DRD3: variants seen among roughly 807,000 people sequenced by gnomAD.
DRD3 encodes D(3) dopamine receptor.
A neutral mutation model predicts 36.3 loss-of-function variants in DRD3; 19 were observed. That is an observed-to-expected ratio of 0.52 (90% CI 0.36 to 0.77). The LOEUF is 0.77. Ranked by LOEUF, DRD3 falls within the 30% of genes least tolerant of loss-of-function variation. DRD3 has a pLI of 0.00. For missense variants in DRD3, 465 were observed against 505.3 expected (o/e 0.92, Z 0.77); for synonymous variants, 195 against 203.7 (o/e 0.96, Z 0.36).
chr3:114,149,060 A>G (rs1476197315), intron 3 of DRD3, among the ~76,000 whole-genome samples: 2 of 152,204 alleles, frequency 1.3e-5, no homozygotes, highest in Non-Finnish European at 2.9e-5. Context: ...TTGAGTCCCA[A>G]CTATACGCCA....
At chr3:114,197,287 T>A (rs1377228311) in intron 1 of DRD3, among the ~76,000 whole-genome samples, 2 of 142,934 alleles carry the variant, frequency 1.4e-5, no homozygotes, top group Non-Finnish European at 3.1e-5. Flanking sequence ...ATTTTTTTTT[T>A]TTTTTTTTTT....
At chr3:114,163,272 T>C (rs1270483500) in intron 2 of DRD3, among the ~76,000 whole-genome samples, 2 of 151,638 alleles carry the variant, frequency 1.3e-5, no homozygotes, top group African/African-American at 4.8e-5. Flanking sequence ...GTAATGAATT[T>C]TTTTTTTTCT....
rs200551833 is a variant in DRD3 at position 114,131,353 on chromosome 3, G to A, written c.771C>T (p.Ser257=). Residue 257 remains serine (S), a synonymous_variant, in exon 6 of 7, where the codon AGC becomes AGT. Transcript: ENST00000383673. ...PAHLELKRYY[S]ICQDTALGGP... ...CACCCAAGGCAGTGTCCTGGCAGATGCTGTAGTAACGCTTCAGCTCCAGAT... is the reference window on the plus strand; with the variant it reads ...CACCCAAGGCAGTGTCCTGGCAGATACTGTAGTAACGCTTCAGCTCCAGAT... 1.1e-5 allele frequency: 18 copies of A among 1,614,226 alleles called. No homozygotes were observed. The Admixed American group carries it at 1.2e-4, about 10-fold the overall frequency.
At chr3:114,177,153 C>G (rs544961620) in intron 1 of DRD3, among the ~76,000 whole-genome samples, 1 of 152,242 alleles carries the variant, frequency 6.6e-6, no homozygotes, top group Admixed American at 6.5e-5. Context: ...CATCATCTGA[C>G]TAGGCTTGGT....
At chr3:114,192,721 T>C (rs937456221) in intron 1 of DRD3, among the ~76,000 whole-genome samples, 2 of 152,216 alleles carry the variant, frequency 1.3e-5, no homozygotes, top group African/African-American at 4.8e-5. Context: ...TGTCTACTTA[T>C]TCCAATTGTC....
intron 3 of DRD3, among the ~76,000 whole-genome samples, chr3:114,155,794 A>T (rs2077661534): frequency 6.6e-6 from 1 of 152,094 alleles, no homozygotes; most frequent in South Asian, 2.1e-4. Context: ...ACGAGGGCTG[A>T]GGGGGCTCTC....
At chr3:114,197,163 G>C (rs949394124) in intron 1 of DRD3, among the ~76,000 whole-genome samples, 2 of 149,534 alleles carry the variant, frequency 1.3e-5, no homozygotes, top group Non-Finnish European at 3.0e-5. Context: ...TCCAGGTGGA[G>C]TGCAGTGGCA....
At chr3:114,145,803 A>G (rs538689510) in intron 4 of DRD3, among the ~76,000 whole-genome samples, 1 of 152,338 alleles carries the variant, frequency 6.6e-6, no homozygotes, top group South Asian at 2.1e-4. Context: ...AATATATCAT[A>G]TATTGTAGAG....
At chr3:114,181,253 A>G (rs939086073), upstream of DRD3, among the ~76,000 whole-genome samples, 30 of 152,208 alleles carry the variant, frequency 2.0e-4, no homozygotes, top group African/African-American at 7.2e-4. Flanking sequence ...TGACATGCCT[A>G]AAATCACACA....
intron 4 of DRD3, among the ~76,000 whole-genome samples, chr3:114,141,043 T>C (rs2077519238): frequency 6.6e-6 from 1 of 152,248 alleles, no homozygotes; most frequent in Non-Finnish European, 1.5e-5. Flanking sequence ...AATTTATTTA[T>C]TTTTTGAGAC....
chr3:114,185,683 A>AT (rs1236040736), intron 1 of DRD3, among the ~76,000 whole-genome samples: 21 of 148,898 alleles, frequency 1.4e-4, no homozygotes, highest in African/African-American at 1.2e-4. Flanking sequence ...TTGTAATTTT[A>AT]TTTTTTTTTT....
At chr3:114,146,269 T>C (rs1376222514) in intron 4 of DRD3, among the ~76,000 whole-genome samples, 2 of 152,168 alleles carry the variant, frequency 1.3e-5, no homozygotes, top group Admixed American at 1.3e-4. Flanking sequence ...AAACCTGGAA[T>C]ATAGGCATTG....
intron 2 of DRD3, among the ~76,000 whole-genome samples, chr3:114,169,477 G>A (rs2077818640): frequency 6.6e-6 from 1 of 151,620 alleles, no homozygotes; most frequent in African/African-American, 2.4e-5. Flanking sequence ...TGCTCTTATT[G>A]CTTCTCAGCC....
At chr3:114,138,182 A>G (rs1297591795) in intron 5 of DRD3, among the ~76,000 whole-genome samples, 1 of 151,082 alleles carries the variant, frequency 6.6e-6, no homozygotes, top group Non-Finnish European at 1.5e-5. Flanking sequence ...AAAAAAAAAA[A>G]AAAAAAAGAT....
At chr3:114,180,182 A>G (rs943973482), upstream of DRD3, among the ~76,000 whole-genome samples, 1 of 152,060 alleles carries the variant, frequency 6.6e-6, no homozygotes, top group Non-Finnish European at 1.5e-5. Flanking sequence ...AGTAATAATA[A>G]TATTAATAAT....
At chr3:114,164,174 T>A (rs1404762826) in intron 2 of DRD3, among the ~76,000 whole-genome samples, 2 of 117,392 alleles carry the variant, frequency 1.7e-5, no homozygotes. Context: ...TGAGCCGAAA[T>A]CTCACCACTG....
At chr3:114,171,393 C>T (rs536609141) in intron 2 of DRD3, among the ~76,000 whole-genome samples, 20 of 152,206 alleles carry the variant, frequency 1.3e-4, no homozygotes, top group African/African-American at 4.8e-4. Flanking sequence ...ACTGCTTCAC[C>T]CAGCCCACCA....
At position 114,131,252 on chromosome 3, in the gene DRD3, G is replaced by A. The variant is rs201876283; in HGVS notation, c.872C>T (p.Ala291Val). The A allele has an allele frequency of 9.9e-6, 16 of 1,614,080 alleles. No individual in the cohort carries two copies. In the South Asian group the frequency reaches 1.1e-4, roughly 11 times the overall value. The change falls in exon 6 of 7, where the codon GCG becomes GTG. Residue 291 changes from alanine (A) to valine (V), a missense_variant. By Grantham distance (64) the Ala-to-Val change is moderately conservative. Coordinates refer to ENST00000383673, the MANE Select transcript of DRD3 (RefSeq NM_000796.6). Reference sequence around the variant, plus strand: ...TCGAACTTCTAAGCTGAGCTTGGGCGCTATGGTGGGACTCAGGGAATTCCG... The same window carrying A: ...TCGAACTTCTAAGCTGAGCTTGGGCACTATGGTGGGACTCAGGGAATTCCG... ...KTRNSLSPTI[A>V]PKLSLEVRKL... is the part of the protein sequence containing the mutation.
Position 114,147,480 on chromosome 3 carries a change from A to T in DRD3, c.461T>A (p.Ile154Asn). Residue 154 changes from isoleucine (I) to asparagine (N), a missense_variant, in exon 4 of 7, where the codon ATC becomes AAC. Coordinates refer to ENST00000383673, the MANE Select transcript of DRD3 (RefSeq NM_000796.6). ...AAAGGCCAGTACCCAGACGGCCGTG[A>T]TCATGAGGGCCACGCGCCGACAGGA... ...QSSCRRVALM[I>N]TAVWVLAFAV... 6.2e-7 allele frequency: 1 copy of T among 1,614,030 alleles called. No homozygotes were observed. Among genetic ancestry groups the T allele is most frequent in the Non-Finnish European group, 8.5e-7 (1 of 1,180,014 alleles).
Sources: gnomAD v4.1 joint callset for allele counts (sites outside exome capture counted in the v4.1 genomes callset) on GRCh38, gnomAD v4.1.1 for gene constraint, MANE v1.5 for transcripts, NCBI Gene and HGNC (gene_info 2026-07-23, HGNC 2026-07-21) for gene names.